LRCH1: variants seen among roughly 807,000 people sequenced by gnomAD.
LRCH1 encodes the protein leucine-rich repeat and calponin homology domain-containing protein 1.
A neutral mutation model predicts 94.9 loss-of-function variants in LRCH1; 23 were observed. The ratio of observed to expected loss-of-function variants is 0.24; its 90% CI spans 0.17 to 0.34. The LOEUF (loss-of-function observed/expected upper bound fraction) is 0.34, where lower values mean the gene tolerates loss of function less well. Ranked by LOEUF, LRCH1 falls within the 10% of genes least tolerant of loss-of-function variation. The probability of loss-of-function intolerance (pLI) is 1.00; values close to 1 mark genes in which losing one functional copy is unlikely to be tolerated. For synonymous variants in LRCH1, 364 were observed against 354.9 expected, an observed-to-expected ratio of 1.03 and a Z score of -0.29; for missense variants, 790 against 945.9, an observed-to-expected ratio of 0.84 and a Z score of 2.16.
In LRCH1 at chr13:46,553,181, C is replaced by T; in HGVS notation, c.-216C>T. 1 of 571,922 alleles carries T rather than the reference C, an allele frequency of 1.7e-6. No individual in the cohort carries two copies. The highest frequency in any genetic ancestry group is 3.0e-6 in the Non-Finnish European group (1 of 328,240). The allele number at this position is 571,922 out of a possible 1,614,324, so 35.4% of individuals were successfully genotyped here. A position where few individuals can be genotyped will look rare whatever the true frequency, so the allele number is the denominator to read the frequency against. ...CCGCCGCCGCCGCCGCAGTCCTTAGCTTCCCGGGGACAGGAAACCTTCAAG... is the reference window on the plus strand; with the variant it reads ...CCGCCGCCGCCGCCGCAGTCCTTAGTTTCCCGGGGACAGGAAACCTTCAAG... On this transcript the variant is annotated 5_prime_UTR_variant, in exon 1 of 20. Transcript: ENST00000389797.
intron 1 of LRCH1, among the ~76,000 whole-genome samples, chr13:46,577,318 G>A (rs899066067): frequency 2.0e-5 from 3 of 151,994 alleles, no homozygotes; most frequent in Admixed American, 6.6e-5. Flanking sequence ...GGCTGGTCTC[G>A]AACTCCTGAC....
intron 1 of LRCH1, among the ~76,000 whole-genome samples, chr13:46,624,241 G>A (rs945312050): frequency 1.3e-5 from 2 of 152,146 alleles, no homozygotes; most frequent in Non-Finnish European, 2.9e-5. Context: ...AGATTATAAA[G>A]TTTGTGGACA....
chr13:46,730,026 A>C (rs933623600), intron 18 of LRCH1, among the ~76,000 whole-genome samples: 2 of 152,216 alleles, frequency 1.3e-5, no homozygotes, highest in African/African-American at 4.8e-5. Context: ...AAGAGAGCCA[A>C]AGAGTCAGTT....
At chr13:46,672,000 A>G (rs1021738015) in intron 3 of LRCH1, among the ~76,000 whole-genome samples, 8 of 152,230 alleles carry the variant, frequency 5.3e-5, no homozygotes, top group African/African-American at 1.9e-4. Context: ...GGGTAAATGT[A>G]TAATGACATG....
downstream of LRCH1, among the ~76,000 whole-genome samples, chr13:46,746,231 T>C (rs1389862188): frequency 1.3e-5 from 2 of 152,226 alleles, no homozygotes; most frequent in Non-Finnish European, 2.9e-5. Context: ...AATGGAGATA[T>C]TAATGTCTGT....
chr13:46,663,477 A>C (rs2051475139), intron 2 of LRCH1, among the ~76,000 whole-genome samples: 1 of 152,148 alleles, frequency 6.6e-6, no homozygotes, highest in Non-Finnish European at 1.5e-5. Flanking sequence ...GATTTTTCAG[A>C]ATGGAACAAG....
At chr13:46,703,821 C>A in intron 11 of LRCH1, among the ~76,000 whole-genome samples, 1 of 150,892 alleles carries the variant, frequency 6.6e-6, no homozygotes, top group Non-Finnish European at 1.5e-5. Context: ...GAATTAGGTA[C>A]CAATTGTGCA....
At chr13:46,723,197 CT>C (rs755777579) in intron 16 of LRCH1, 23 bp from the exon 17 acceptor site, 17 of 1,423,058 alleles carry the variant, frequency 1.2e-5, no homozygotes, top group Middle Eastern at 1.8e-4. Flanking sequence ...TATATAAAGG[CT>C]TTTTTTCCCC....
Position 46,742,422 on chromosome 13 carries a change from C to T in LRCH1, c.*574C>T, listed in dbSNP as rs958106445. On this transcript the variant is annotated 3_prime_UTR_variant, in exon 20 of 20. Transcript: ENST00000389797. Reference sequence around the variant, plus strand: ...TACTCACACTGCCTTGATGGCCATTCGATTGGATTCCTCCCAAATTTCCTA... The same window carrying T: ...TACTCACACTGCCTTGATGGCCATTTGATTGGATTCCTCCCAAATTTCCTA... 9.1e-6 allele frequency: 9 copies of T among 986,830 alleles called. No homozygotes were observed. The highest frequency in any genetic ancestry group is 1.7e-5 in the African/African-American group (1 of 57,250). The allele number at this position is 986,830 out of a possible 1,614,324, so 61.1% of individuals were successfully genotyped here. A position where few individuals can be genotyped will look rare whatever the true frequency, so the allele number is the denominator to read the frequency against.
At chr13:46,642,890 C>T (rs1367792970) in intron 1 of LRCH1, among the ~76,000 whole-genome samples, 1 of 151,536 alleles carries the variant, frequency 6.6e-6, no homozygotes, top group Non-Finnish European at 1.5e-5. Context: ...AAGTTTCTGG[C>T]TATGAACCCC....
chr13:46,595,167 A>T (rs1394154061), intron 1 of LRCH1, among the ~76,000 whole-genome samples: 1 of 152,128 alleles, frequency 6.6e-6, no homozygotes, highest in Non-Finnish European at 1.5e-5. Context: ...CCCCATACCC[A>T]TCGAGAACCC....
chr13:46,708,890 G>C (rs1250565673), intron 13 of LRCH1, among the ~76,000 whole-genome samples: 1 of 152,180 alleles, frequency 6.6e-6, no homozygotes, highest in Non-Finnish European at 1.5e-5. Context: ...ATTCTCACTT[G>C]AAGTGGGACC....
chr13:46,734,942 T>A (rs1873295101), intron 19 of LRCH1, among the ~76,000 whole-genome samples: 1 of 152,210 alleles, frequency 6.6e-6, no homozygotes, highest in Non-Finnish European at 1.5e-5. Flanking sequence ...TGACAAAGAC[T>A]TTTTTCCCTT....
chr13:46,699,594 A>C, intron 10 of LRCH1, among the ~76,000 whole-genome samples, 191 bp downstream of exon 10: 1 of 152,192 alleles, frequency 6.6e-6, no homozygotes, highest in East Asian at 1.9e-4. Flanking sequence ...GGGCAGTACA[A>C]ACCTCTTACT....
At chr13:46,692,436 A>G (rs557589387) in intron 7 of LRCH1, 100 bp from the exon 8 acceptor site, 7 of 861,880 alleles carry the variant, frequency 8.1e-6, no homozygotes, top group African/African-American at 3.3e-5. Flanking sequence ...TCAATATGAT[A>G]TTTGTGAGAA....
chr13:46,593,694 G>A (rs905869608), intron 1 of LRCH1, among the ~76,000 whole-genome samples: 5 of 152,100 alleles, frequency 3.3e-5, no homozygotes, highest in Non-Finnish European at 5.9e-5. Context: ...TGGCCCAGGC[G>A]GGATCCATCC....
chr13:46,671,941 C>A (rs1261743226), intron 3 of LRCH1, among the ~76,000 whole-genome samples: 2 of 151,452 alleles, frequency 1.3e-5, no homozygotes, highest in Admixed American at 1.3e-4. Context: ...CCAAAGTCCA[C>A]AGTTTACATT....
In LRCH1 at chr13:46,741,897, C is replaced by T. The variant is rs376492857; in HGVS notation, c.*49C>T. The T allele has an allele frequency of 1.1e-5, 18 of 1,609,504 alleles. No individual in the cohort carries two copies. The highest frequency in any genetic ancestry group is 1.5e-5 in the Non-Finnish European group (18 of 1,177,708). On this transcript the variant is annotated 3_prime_UTR_variant, in exon 20 of 20. Coordinates refer to ENST00000389797, the MANE Select transcript of LRCH1 (RefSeq NM_001164211.2). ...TGTGCTCTGTCGCCCTCAACCTTTG[C>T]AGGGTCCTTCCTACCTTTGAGCCTT... is the stretch of plus-strand genomic sequence containing the variant.
At chr13:46,582,839 C>G (rs1420820125) in intron 1 of LRCH1, among the ~76,000 whole-genome samples, 1 of 151,130 alleles carries the variant, frequency 6.6e-6, no homozygotes, top group African/African-American at 2.4e-5. Flanking sequence ...TTAACTGCTA[C>G]CAAGCTCTTC....
Sources: gnomAD v4.1 joint callset for allele counts (sites outside exome capture counted in the v4.1 genomes callset) on GRCh38, gnomAD v4.1.1 for gene constraint, MANE v1.5 for transcripts, NCBI Gene and HGNC (gene_info 2026-07-23, HGNC 2026-07-21) for gene names.